Variants in LUZP1 observed in about 807,000 individuals in gnomAD.
LUZP1 encodes filamin mechanobinding actin cross-linking protein.
Under a neutral mutation model 71.3 loss-of-function variants are expected in LUZP1, and 25 were observed. The ratio of observed to expected loss-of-function variants is 0.35; its 90% CI spans 0.26 to 0.49. The LOEUF (loss-of-function observed/expected upper bound fraction) is 0.49. LUZP1 is among the 20% of genes least tolerant of loss of function. The pLI is 0.99. For synonymous variants in LUZP1, 481 were observed against 506.4 expected, an observed-to-expected ratio of 0.95 and a Z score of 0.67; for missense variants, 1,142 against 1,300.8, an observed-to-expected ratio of 0.88 and a Z score of 1.88.
chr1:23,125,706 C>T (rs766630579), intron 2 of LUZP1, among the ~76,000 whole-genome samples: 1 of 152,186 alleles, frequency 6.6e-6, no homozygotes, highest in East Asian at 1.9e-4. Flanking sequence ...GCTGTCTCAT[C>T]GACACATCTT....
intron 2 of LUZP1, among the ~76,000 whole-genome samples, chr1:23,114,923 G>C (rs1644065725): frequency 6.6e-6 from 1 of 152,154 alleles, no homozygotes; most frequent in Admixed American, 6.5e-5. Flanking sequence ...ATATACTATT[G>C]TCCTTTCCAA....
chr1:23,172,947 T>C (rs1457735851), intron 1 of LUZP1, among the ~76,000 whole-genome samples: 1 of 151,890 alleles, frequency 6.6e-6, no homozygotes, highest in African/African-American at 2.4e-5. Flanking sequence ...CCCAGCCTGC[T>C]GAGTAGCTGG....
chr1:23,162,501 T>C (rs1256682210), intron 2 of LUZP1, among the ~76,000 whole-genome samples: 6 of 151,534 alleles, frequency 4.0e-5, no homozygotes, highest in South Asian at 2.1e-4. Context: ...TGCAGTGGCG[T>C]GATCTCGGCT....
intron 2 of LUZP1, among the ~76,000 whole-genome samples, chr1:23,127,672 C>T (rs1188054198): frequency 3.3e-5 from 5 of 152,062 alleles, no homozygotes; most frequent in Non-Finnish European, 5.9e-5. Context: ...TACAAGCGCC[C>T]GCCTCCAAGC....
intron 3 of LUZP1, among the ~76,000 whole-genome samples, chr1:23,099,721 A>G (rs1643916678): frequency 6.6e-6 from 1 of 152,240 alleles, no homozygotes; most frequent in Non-Finnish European, 1.5e-5. Context: ...TGAATCAACT[A>G]GTACAGGCAA....
chr1:23,146,710 C>T (rs776309358), intron 2 of LUZP1, among the ~76,000 whole-genome samples: 65 of 152,118 alleles, frequency 4.3e-4, no homozygotes, highest in Non-Finnish European at 8.5e-4. Context: ...GTGGCAGGAT[C>T]ACCTGAGCCC....
intron 2 of LUZP1, among the ~76,000 whole-genome samples, chr1:23,162,980 AC>A (rs932601175): frequency 2.0e-5 from 3 of 151,984 alleles, no homozygotes; most frequent in African/African-American, 7.2e-5. Flanking sequence ...GGTGGCTCAC[AC>A]CTGTAATCCC....
In LUZP1 at chr1:23,099,554, ATC is replaced by A. The variant is rs544752469; in HGVS notation, c.-119-5176_-119-5175del. On this transcript the variant is annotated intron_variant, in intron 3 of 4. Transcript: ENST00000302291. ...ACTAGCTTATACTATAGTTTTCACA[ATC>A]TCTTTTTCAAAAGAAGGAAACGTTA... Among the ~76,000 whole-genome samples, 10 of 152,310 alleles carry A rather than the reference ATC, an allele frequency of 6.6e-5. No homozygotes were observed. In the South Asian group the frequency reaches 1.9e-3, roughly 28 times the overall value.
intron 2 of LUZP1, among the ~76,000 whole-genome samples, chr1:23,116,821 A>T (rs1290493767): frequency 6.6e-6 from 1 of 152,154 alleles, no homozygotes; most frequent in Non-Finnish European, 1.5e-5. Flanking sequence ...TTCACACTCA[A>T]CTCAGAGAAT....
rs1207404425 is a variant in LUZP1, at chr1:23,138,938, C to T, written c.-225-29811G>A. Among the ~76,000 whole-genome samples, 3 of 129,648 alleles carry T rather than the reference C, an allele frequency of 2.3e-5. 1 individual carries two copies. The highest frequency in any genetic ancestry group is 5.0e-4 in the South Asian group (2 of 4,038). 85.1% of individuals were successfully genotyped at this position (129,648 alleles called of 152,430 possible). A position where few individuals can be genotyped will look rare whatever the true frequency, so the allele number is the denominator to read the frequency against. ...GCTTGAACCCGGGAGGTGGAGGTTG[C>T]AGTGAGTCAAGATGGCACCACTGTA... On this transcript the variant is annotated intron_variant, in intron 2 of 4. Coordinates refer to ENST00000302291, the Ensembl canonical transcript of LUZP1.
chr1:23,129,684 G>A (rs936663359), intron 2 of LUZP1, among the ~76,000 whole-genome samples: 5 of 152,024 alleles, frequency 3.3e-5, no homozygotes, highest in African/African-American at 7.2e-5. Context: ...AATCCATCTC[G>A]CAACAAAATC....
chr1:23,172,578 G>A (rs562402467), intron 1 of LUZP1, among the ~76,000 whole-genome samples: 3 of 151,164 alleles, frequency 2.0e-5, no homozygotes, highest in East Asian at 1.9e-4. Flanking sequence ...GCAGTGGCAC[G>A]ATCTGGGCTC....
chr1:23,171,374 C>A (rs1644551875), intron 1 of LUZP1, among the ~76,000 whole-genome samples: 1 of 152,228 alleles, frequency 6.6e-6, no homozygotes, highest in Admixed American at 6.5e-5. Flanking sequence ...CCCAGGGCAT[C>A]TCTGCCATTC....
chr1:23,153,892 C>A (rs900751311), intron 2 of LUZP1, among the ~76,000 whole-genome samples: 2 of 151,944 alleles, frequency 1.3e-5, no homozygotes, highest in African/African-American at 4.8e-5. Context: ...CCCGCCTGGG[C>A]AACAGAGTGA....
At chr1:23,106,103 T>C (rs1171634591) in intron 3 of LUZP1, among the ~76,000 whole-genome samples, 1 of 152,212 alleles carries the variant, frequency 6.6e-6, no homozygotes, top group Non-Finnish European at 1.5e-5. Context: ...GTACCGATCG[T>C]TTAAATAAAA....
chr1:23,085,768 C>CTT (rs1452640599), exon 5 of LUZP1: 1 of 152,226 alleles, frequency 6.6e-6, no homozygotes. Context: ...CACTGTGACT[C>CTT]TTTCTCATTG....
At chr1:23,136,450 TC>T (rs1644253835) in intron 2 of LUZP1, among the ~76,000 whole-genome samples, 1 of 152,090 alleles carries the variant, frequency 6.6e-6, no homozygotes, top group South Asian at 2.1e-4. Flanking sequence ...TATAATCTGA[TC>T]TATAACATGT....
chr1:23,105,262 T>C (rs959295826), intron 3 of LUZP1, among the ~76,000 whole-genome samples: 15 of 152,228 alleles, frequency 9.9e-5, no homozygotes, highest in African/African-American at 3.1e-4. Context: ...GTTCTAATAA[T>C]GAAGTCCAAG....
intron 3 of LUZP1, among the ~76,000 whole-genome samples, chr1:23,107,662 C>T (rs971662792): frequency 5.9e-5 from 9 of 151,998 alleles, no homozygotes; most frequent in African/African-American, 2.4e-5. Context: ...TTAGCCCAGG[C>T]GTGGTGGCAC....
Sources: allele counts gnomAD v4.1 joint callset (sites outside exome capture counted in the v4.1 genomes callset), GRCh38; gene constraint gnomAD v4.1.1; transcripts MANE v1.5; gene names NCBI Gene and HGNC (gene_info 2026-07-23, HGNC 2026-07-21).